SLF1: variants seen among roughly 807,000 people sequenced by gnomAD.
SLF1 encodes SMC5/6 complex localization factor 1, also known as SMC5-SMC6 complex localization factor protein 1.
A neutral mutation model predicts 123.0 loss-of-function variants in SLF1; 105 were observed. The ratio of observed to expected loss-of-function variants is 0.85; its 90% CI spans 0.73 to 1.00. The LOEUF (loss-of-function observed/expected upper bound fraction) is 1.00. Among genes scored for constraint, SLF1 ranks in the 50% least tolerant of loss-of-function variants. The pLI is 0.00. For synonymous variants in SLF1, 434 were observed against 406.6 expected, an observed-to-expected ratio of 1.07 and a Z score of -0.81; for missense variants, 1,239 against 1,223.0, an observed-to-expected ratio of 1.01 and a Z score of -0.20.
In SLF1 at chr5:94,694,811, T is replaced by A; in HGVS notation, c.2696-20T>A. On this transcript the variant is annotated intron_variant, in intron 20 of 20. Transcript: ENST00000265140. ...AATAGAAATGTTTTACTTGCAACAT[T>A]TTGCATTTTCTTTTCACAGGCCCAG... 6.5e-7 allele frequency: 1 copy of A among 1,527,746 alleles called. No homozygotes were observed. The highest frequency in any genetic ancestry group is 1.4e-5 in the African/African-American group (1 of 71,718). The allele number at this position is 1,527,746 out of a possible 1,614,324, so 94.6% of individuals were successfully genotyped here.
chr5:94,673,159 T>TA (rs200679685), intron 14 of SLF1, among the ~76,000 whole-genome samples: 2 of 152,046 alleles, frequency 1.3e-5, no homozygotes, highest in Non-Finnish European at 2.9e-5. Context: ...TTTTTTTTTT[T>TA]AATCTTTTCT....
chr5:94,651,641 G>T, intron 6 of SLF1, 61 bp from the exon 7 acceptor site: 1 of 1,327,172 alleles, frequency 7.5e-7, no homozygotes, highest in South Asian at 1.7e-5. Flanking sequence ...GACTTGTGTT[G>T]ATTGTGTTAA....
At chr5:94,642,987 A>G (rs1420350258) in intron 4 of SLF1, among the ~76,000 whole-genome samples, 2 of 152,110 alleles carry the variant, frequency 1.3e-5, no homozygotes, top group Non-Finnish European at 2.9e-5. Context: ...GTTTATTGAC[A>G]TGACTTTTCC....
chr5:94,628,756 C>A, intron 1 of SLF1, 55 bp from the exon 2 acceptor site: 2 of 1,165,090 alleles, frequency 1.7e-6, no homozygotes, highest in Non-Finnish European at 2.3e-6. Flanking sequence ...ATAATGTCAA[C>A]CCTGTGAATA....
At chr5:94,668,834 CTTTAAG>C (rs571419908) in intron 12 of SLF1, among the ~76,000 whole-genome samples, 7 of 152,194 alleles carry the variant, frequency 4.6e-5, no homozygotes, top group Non-Finnish European at 1.0e-4. Context: ...TTGACCTTTC[CTTTAAG>C]TTTGTCATTC....
intron 5 of SLF1, 64 bp from the exon 6 acceptor site, chr5:94,649,390 A>C: frequency 7.7e-7 from 1 of 1,301,910 alleles, no homozygotes. Context: ...TGAGTACCAT[A>C]AAACGTACAT....
At chr5:94,643,564 C>A in intron 5 of SLF1, 129 bp downstream of exon 5, 1 of 660,270 alleles carries the variant, frequency 1.5e-6, no homozygotes, top group Non-Finnish European at 2.3e-6. Flanking sequence ...ATTTAAATGA[C>A]ACTTTTTAAA....
chr5:94,686,423 C>A, intron 15 of SLF1, 150 bp from the exon 16 acceptor site: 2 of 782,444 alleles, frequency 2.6e-6, no homozygotes, highest in East Asian at 2.6e-5. Flanking sequence ...AGTGATATGA[C>A]CTATTTTTTG....
intron 14 of SLF1, among the ~76,000 whole-genome samples, chr5:94,678,237 A>C (rs1230826047): frequency 1.3e-5 from 2 of 152,132 alleles, no homozygotes; most frequent in Non-Finnish European, 2.9e-5. Flanking sequence ...TACTTTTAAA[A>C]CTGATCTCTA....
At position 94,678,923 on chromosome 5, in the gene SLF1, A is replaced by T. The variant is rs750726202; in HGVS notation, c.1943A>T (p.Asp648Val). ...AATGTGATGCGACACATGTCTGATGACTTAGGAAGTTATGTTTCTCTTTCG... is the reference window on the plus strand; with the variant it reads ...AATGTGATGCGACACATGTCTGATGTCTTAGGAAGTTATGTTTCTCTTTCG... The part of the protein sequence containing the change: ...GRNVMRHMSD[D>V]LGSYVSLSCD... The change falls in exon 15 of 21, where the codon GAC becomes GTC. Residue 648 changes from aspartate to valine, a missense_variant. Transcript: ENST00000265140. 3.1e-6 allele frequency: 5 copies of T among 1,613,292 alleles called. No homozygotes were observed. The highest frequency in any genetic ancestry group is 4.2e-6 in the Non-Finnish European group (5 of 1,179,692).
In SLF1 at chr5:94,686,681, G is replaced by C. The variant is rs761519987; in HGVS notation, c.2084G>C (p.Gly695Ala). 1.2e-6 allele frequency: 2 copies of C among 1,614,006 alleles called. No individual in the cohort carries two copies. The highest frequency in any genetic ancestry group is 2.7e-5 in the African/African-American group (2 of 75,032). Residue 695 changes from glycine to alanine, a missense_variant, in exon 16 of 21, where the codon GGC (glycine) becomes GCC (alanine). Gly to Ala is a moderately conservative substitution (Grantham distance 60). Transcript: ENST00000265140. The part of the protein sequence containing the change: ...VFKKLCLQSS[G>A]SVSSEPLSLQ... Reference sequence around the variant, plus strand: ...AAAAAGTTGTGTCTACAGAGCTCTGGCAGTGTTTCTTCTGAGCCACTCTCT... The same window carrying C: ...AAAAAGTTGTGTCTACAGAGCTCTGCCAGTGTTTCTTCTGAGCCACTCTCT...
intron 1 of SLF1, among the ~76,000 whole-genome samples, chr5:94,626,749 T>A (rs1164364378): frequency 6.6e-6 from 1 of 152,212 alleles, no homozygotes. Context: ...ACACAGGCAG[T>A]GCAGGACTAC....
chr5:94,629,057 T>C, intron 2 of SLF1, 35 bp from the exon 3 acceptor site: 1 of 1,504,838 alleles, frequency 6.6e-7, no homozygotes, highest in Non-Finnish European at 9.0e-7. Context: ...AGTCTTACTT[T>C]AGTAACATTT....
intron 7 of SLF1, among the ~76,000 whole-genome samples, chr5:94,652,810 A>G (rs1245817190): frequency 1.3e-5 from 2 of 152,072 alleles, no homozygotes; most frequent in Non-Finnish European, 1.5e-5. Context: ...ACTAATGTAC[A>G]CCTACTCTGT....
In SLF1 at chr5:94,688,582, G is replaced by T; in HGVS notation, c.2198G>T (p.Gly733Val). The change falls in exon 17 of 21, where the codon GGA becomes GTA. Residue 733 changes from glycine to valine, a missense_variant. Gly to Val is a moderately radical substitution (Grantham distance 109). Coordinates refer to ENST00000265140, the MANE Select transcript of SLF1 (RefSeq NM_032290.4). ...SGKIQVSKKIGQRPCFDSQRT... is the reference protein window; with the variant it reads ...SGKIQVSKKIVQRPCFDSQRT... ...AAGATTCAGGTGTCAAAGAAAATAG[G>T]ACAGCGGCCTTGTTTTGACTCTCAG... 1 of 1,614,094 alleles carries T rather than the reference G, an allele frequency of 6.2e-7. No individual in the cohort carries two copies. Among genetic ancestry groups the T allele is most frequent in the South Asian group, 1.1e-5 (1 of 91,084 alleles).
chr5:94,637,408 C>G (rs902702606), intron 4 of SLF1, among the ~76,000 whole-genome samples: 8 of 152,042 alleles, frequency 5.3e-5, no homozygotes, highest in African/African-American at 1.9e-4. Flanking sequence ...GCTCTGCAAT[C>G]AGGCAGAGCT....
chr5:94,673,007 T>C (rs1025419272), intron 14 of SLF1, among the ~76,000 whole-genome samples: 1 of 152,202 alleles, frequency 6.6e-6, no homozygotes, highest in South Asian at 2.1e-4. Flanking sequence ...TAATCCAATG[T>C]CTATGTTTGG....
intron 16 of SLF1, among the ~76,000 whole-genome samples, chr5:94,687,774 G>A (rs1198021127): frequency 6.6e-6 from 1 of 151,982 alleles, no homozygotes; most frequent in Non-Finnish European, 1.5e-5. Flanking sequence ...GTAGCCAAGG[G>A]TTGATCATAG....
At chr5:94,661,431 G>C (rs1167864108) in intron 9 of SLF1, among the ~76,000 whole-genome samples, 1 of 152,058 alleles carries the variant, frequency 6.6e-6, no homozygotes, top group Non-Finnish European at 1.5e-5. Context: ...CCTATTCAGT[G>C]TGTGATTATC....
Sources: allele counts gnomAD v4.1 joint callset (sites outside exome capture counted in the v4.1 genomes callset), GRCh38; gene constraint gnomAD v4.1.1; transcripts MANE v1.5; gene names NCBI Gene and HGNC (gene_info 2026-07-23, HGNC 2026-07-21).